Variants in DNAH2 observed in about 807,000 individuals in gnomAD.
The protein encoded by DNAH2 is axonemal beta dynein heavy chain 2.
DNAH2 carries 323 observed loss-of-function variants against 523.5 expected under a neutral mutation model. The observed-to-expected ratio is 0.62, with a 90% CI of 0.56 to 0.68. DNAH2 has a LOEUF of 0.68. DNAH2 is among the 30% of genes least tolerant of loss of function. DNAH2 has a pLI of 0.00. For missense variants in DNAH2, 4,907 were observed against 5,701.5 expected, an observed-to-expected ratio of 0.86 and a Z score of 4.49; for synonymous variants, 2,093 against 2,177.4, an observed-to-expected ratio of 0.96 and a Z score of 1.08.
intron 39 of DNAH2, among the ~76,000 whole-genome samples, chr17:7,785,251 G>A (rs968971849): frequency 2.0e-4 from 31 of 151,982 alleles, no homozygotes; most frequent in South Asian, 2.1e-4. Context: ...ACAGGCACAC[G>A]CCACCACACC....
At chr17:7,740,285 T>G in intron 9 of DNAH2, 135 bp from the exon 10 acceptor site, 1 of 1,335,958 alleles carries the variant, frequency 7.5e-7, no homozygotes, top group Admixed American at 2.1e-5. Context: ...AATGGATTCA[T>G]GTAGGTAAAG....
chr17:7,807,329 T>G lies in DNAH2; in HGVS notation c.9612+10T>G. 1 of 1,610,900 alleles carries G rather than the reference T, an allele frequency of 6.2e-7. No homozygotes were observed. Among genetic ancestry groups the G allele is most frequent in the East Asian group, 2.2e-5 (1 of 44,830 alleles). ...GGTGCGGGCCATGGAGGTAAAGGCGTCAGGGCTGGGGCGGGGCGGTAGGGA... is the reference window on the plus strand; with the variant it reads ...GGTGCGGGCCATGGAGGTAAAGGCGGCAGGGCTGGGGCGGGGCGGTAGGGA... On this transcript the variant is annotated intron_variant, in intron 62 of 85. Transcript: ENST00000572933. This position sits in a 1 kb window ranked among gnomAD's most constrained non-coding sequence, Gnocchi z 5.6.
rs2077685949 is a variant in DNAH2 at position 7,816,896 on chromosome 17, CT to C, written c.9894+164del. ...GAGCTCTTCCCCTCCCCCTGCACAC[CT>C]TTGGTGAGAGCAATGGAAGGAAAGG... On this transcript the variant is annotated intron_variant, in intron 64 of 85. Coordinates refer to ENST00000572933, the MANE Select transcript of DNAH2 (RefSeq NM_020877.5). 2.0e-5 allele frequency among the ~76,000 whole-genome samples: 3 copies of C among 152,298 alleles called. No homozygotes were observed. The South Asian group carries it at 6.2e-4, about 32-fold the overall frequency.
chr17:7,807,070 G>C lies in DNAH2; in HGVS notation c.9443-80G>C, dbSNP rs960463312. 1.8e-5 allele frequency: 28 copies of C among 1,521,206 alleles called. No homozygotes were observed. In the African/African-American group the frequency reaches 3.6e-4, roughly 19 times the overall value. The allele number at this position is 1,521,206 out of a possible 1,614,324, so 94.2% of individuals were successfully genotyped here. On this transcript the variant is annotated intron_variant, in intron 61 of 85. Coordinates refer to ENST00000572933, the MANE Select transcript of DNAH2 (RefSeq NM_020877.5). This position sits in a 1 kb window ranked among gnomAD's most constrained non-coding sequence, Gnocchi z 5.6. ...GAGCCCAGGAAAAATGTGGCTATGC[G>C]TGAGTAGTGGAGGTGAAACTGCTGG...
rs779170553 is a variant in DNAH2, at chr17:7,778,371, G to A, written c.5443G>A (p.Asp1815Asn). The change falls in exon 35 of 86, where the codon GAC becomes AAC. Residue 1815 changes from aspartate (D) to asparagine (N), a missense_variant. By Grantham distance (23) the Asp-to-Asn change is conservative. Coordinates refer to ENST00000572933, the MANE Select transcript of DNAH2 (RefSeq NM_020877.5). ...AGTGKTETVK[D>N]LGKALGIYVI... The stretch of plus-strand genomic sequence containing the variant: ...CACAGGCAAGACCGAGACCGTCAAG[G>A]ACCTGGGCAAGGCCCTGGGCATATA... 2 of 1,614,248 alleles carry A rather than the reference G, an allele frequency of 1.2e-6. No individual in the cohort carries two copies. The highest frequency in any genetic ancestry group is 3.3e-5 in the Admixed American group (2 of 60,030).
chr17:7,784,625 A>T (rs937545024), intron 39 of DNAH2, among the ~76,000 whole-genome samples: 3 of 152,236 alleles, frequency 2.0e-5, no homozygotes, highest in South Asian at 2.1e-4. Context: ...ATGTAGGAAA[A>T]GGAAAATTGA....
intron 63 of DNAH2, among the ~76,000 whole-genome samples, chr17:7,814,918 A>T (rs749179087): frequency 6.6e-6 from 1 of 152,234 alleles, no homozygotes; most frequent in Non-Finnish European, 1.5e-5. Flanking sequence ...GGTGGTCTAG[A>T]TGCTACTTTT....
At position 7,798,683 on chromosome 17, in the gene DNAH2, G is replaced by A. The variant is rs1472913753; in HGVS notation, c.8524G>A (p.Val2842Met). Residue 2842 changes from valine to methionine, a missense_variant, in exon 55 of 86, where the codon GTG becomes ATG. Physicochemically the swap from Val to Met is conservative, Grantham distance 21. Coordinates refer to ENST00000572933, the MANE Select transcript of DNAH2 (RefSeq NM_020877.5). The surrounding 1 kb of genome is among the most constrained non-coding windows in gnomAD (Gnocchi z 5.5). ...DINNILSSGE[V>M]PNLYKPDEFE... ...CAACAACATCCTCAGCTCAGGCGAG[G>A]TGCCCAATCTCTACAAGCCTGATGA... 1.9e-6 allele frequency: 3 copies of A among 1,613,970 alleles called. No individual in the cohort carries two copies. The highest frequency in any genetic ancestry group is 2.2e-5 in the South Asian group (2 of 91,078).
At position 7,760,302 on chromosome 17, in the gene DNAH2, A is replaced by T. The variant is rs770045797; in HGVS notation, c.2785+364A>T. On this transcript the variant is annotated intron_variant, in intron 17 of 85. Coordinates refer to ENST00000572933, the MANE Select transcript of DNAH2 (RefSeq NM_020877.5). This position sits in a 1 kb window ranked among gnomAD's most constrained non-coding sequence, Gnocchi z 4.0. The stretch of plus-strand genomic sequence containing the variant: ...GAATCACCCCGGAGGCGGAGGTTGC[A>T]GTGAGCGGAGATCATGCCACTGCAT... 1.0e-3 allele frequency among the ~76,000 whole-genome samples: 155 copies of T among 151,944 alleles called. 7 individuals carry two copies. Among genetic ancestry groups the T allele is most frequent in the Admixed American group, 3.3e-4 (5 of 15,244 alleles).
rs1191740048 is a variant in DNAH2, at chr17:7,821,746, G to A, written c.11142+377G>A. Among the ~76,000 whole-genome samples the A allele has an allele frequency of 2.0e-5, 3 of 151,930 alleles. No individual in the cohort carries two copies. Among genetic ancestry groups the A allele is most frequent in the Non-Finnish European group, 4.4e-5 (3 of 67,974 alleles). The stretch of plus-strand genomic sequence containing the variant: ...TTCTCCTCTCTCTGTCGCATCTACC[G>A]CTCTGGCTAGATCCAGCTCCTCTTC... On this transcript the variant is annotated intron_variant, in intron 73 of 85. Transcript: ENST00000572933. This position sits in a 1 kb window ranked among gnomAD's most constrained non-coding sequence, Gnocchi z 5.0.
intron 49 of DNAH2, among the ~76,000 whole-genome samples, chr17:7,795,013 C>T (rs993978697): frequency 4.6e-5 from 7 of 152,064 alleles, no homozygotes; most frequent in Non-Finnish European, 1.0e-4. Context: ...CCTCAGCCTC[C>T]CACCACACTT....
rs902706705 is a variant in DNAH2 at position 7,828,776 on chromosome 17, T to C, written c.11854-1524T>C. Among the ~76,000 whole-genome samples the C allele has an allele frequency of 6.6e-6, 1 of 152,012 alleles. No individual in the cohort carries two copies. Among genetic ancestry groups the C allele is most frequent in the Admixed American group, 6.5e-5 (1 of 15,276 alleles). Reference sequence around the variant, plus strand: ...CTGTAATTTTCTCCGTAAATAATCATACATTTTAATTGGATTTATTTCTTG... The same window carrying C: ...CTGTAATTTTCTCCGTAAATAATCACACATTTTAATTGGATTTATTTCTTG... On this transcript the variant is annotated intron_variant, in intron 77 of 85. Transcript: ENST00000572933. The surrounding 1 kb of genome is among the most constrained non-coding windows in gnomAD (Gnocchi z 4.1).
intron 77 of DNAH2, among the ~76,000 whole-genome samples, chr17:7,826,590 A>T (rs1356222594): frequency 6.6e-5 from 8 of 121,156 alleles, no homozygotes. Context: ...CCCAGGCTGG[A>T]GCGCAGTGGC....
chr17:7,734,139 A>T, intron 5 of DNAH2, 44 bp from the exon 6 acceptor site: 1 of 1,524,602 alleles, frequency 6.6e-7, no homozygotes, highest in Non-Finnish European at 8.9e-7. Context: ...GGCCAGCAAG[A>T]ACTCATCCCC....
Position 7,759,478 on chromosome 17 carries a change from C to G in DNAH2, c.2505C>G (p.Ala835=). Residue 835 remains alanine (A), a synonymous_variant, in exon 16 of 86, where the codon GCC becomes GCG. Coordinates refer to ENST00000572933, the MANE Select transcript of DNAH2 (RefSeq NM_020877.5). ...MIRLDRMMED[A]LRLNVKWSLL... is the part of the protein sequence containing the mutation. The stretch of plus-strand genomic sequence containing the variant: ...GGCTGGACCGCATGATGGAGGATGC[C>G]CTGCGCCTGAATGTGAAGTGGTCAC... 6.2e-7 allele frequency: 1 copy of G among 1,614,118 alleles called. No individual in the cohort carries two copies. The highest frequency in any genetic ancestry group is 8.5e-7 in the Non-Finnish European group (1 of 1,180,016).
chr17:7,725,506 C>A (rs970947933), intron 3 of DNAH2, among the ~76,000 whole-genome samples: 1 of 150,334 alleles, frequency 6.7e-6, no homozygotes. Context: ...GATCTCAGCT[C>A]ACTGCAACCT....
intron 73 of DNAH2, among the ~76,000 whole-genome samples, chr17:7,822,086 T>G (rs1406507480): frequency 6.6e-6 from 1 of 152,194 alleles, no homozygotes; most frequent in Non-Finnish European, 1.5e-5. Flanking sequence ...TCCTCGCATC[T>G]TAGCCTCTGG....
At chr17:7,829,528 C>T (rs563280953) in intron 77 of DNAH2, among the ~76,000 whole-genome samples, 16 of 152,334 alleles carry the variant, frequency 1.1e-4, no homozygotes, top group Admixed American at 3.3e-4. Flanking sequence ...CCAGCTTGCT[C>T]ATGGAGACTA....
intron 44 of DNAH2, among the ~76,000 whole-genome samples, 162 bp downstream of exon 44, chr17:7,788,406 G>C (rs921555798): frequency 3.9e-5 from 6 of 152,194 alleles, no homozygotes; most frequent in African/African-American, 1.4e-4. Flanking sequence ...AGTGAGGGGT[G>C]TGTGTGTGCA....
Sources: gnomAD v4.1 joint callset for allele counts (sites outside exome capture counted in the v4.1 genomes callset) on GRCh38, gnomAD v4.1.1 for gene constraint, Gnocchi (gnomAD v3.1) non-coding constraint, MANE v1.5 for transcripts, NCBI Gene and HGNC (gene_info 2026-07-23, HGNC 2026-07-21) for gene names.